Variants in RLF observed in about 807,000 individuals in gnomAD.
RLF encodes the protein RLF zinc finger.
A neutral mutation model predicts 162.9 loss-of-function variants in RLF; 7 were observed. That is an observed-to-expected ratio of 0.04 (90% CI 0.02 to 0.08). The LOEUF (loss-of-function observed/expected upper bound fraction) is 0.08, where lower values mean the gene tolerates loss of function less well. RLF is among the 10% of genes least tolerant of loss of function. The probability of loss-of-function intolerance (pLI) is 1.00; values close to 1 mark genes in which losing one functional copy is unlikely to be tolerated. For synonymous variants in RLF, 782 were observed against 791.5 expected (o/e 0.99, Z 0.20); for missense variants, 1,664 against 2,244.7 (o/e 0.74, Z 5.23).
chr1:40,240,077 C>T lies in RLF; in HGVS notation c.5375C>T (p.Pro1792Leu), dbSNP rs1449574374. ...EKEDDFDDWEPSEHLTLSNSS... is the reference protein window; with the variant it reads ...EKEDDFDDWELSEHLTLSNSS... ...GAAGATGATTTTGATGATTGGGAGC[C>T]TTCAGAGCACTTAACATTAAGTAAT... The change falls in exon 8 of 8, where the codon CCT (proline) becomes CTT (leucine). Residue 1792 changes from proline (P) to leucine (L), a missense_variant. By Grantham distance (98) the Pro-to-Leu change is moderately conservative. Coordinates refer to ENST00000372771, the MANE Select transcript of RLF (RefSeq NM_012421.4). The T allele has an allele frequency of 2.5e-6, 4 of 1,614,032 alleles. No homozygotes were observed. The highest frequency in any genetic ancestry group is 3.4e-6 in the Non-Finnish European group (4 of 1,179,952).
rs1300661780 is a variant in RLF, at chr1:40,238,266, G to A, written c.3564G>A (p.Arg1188=). The part of the protein sequence containing the change: ...QRSFTRKTHL[R]IHYKNKHQIG... ...CATTTACAAGAAAAACACACCTTAG[G>A]ATTCATTATAAAAATAAACATCAAA... is the stretch of plus-strand genomic sequence containing the variant. The change falls in exon 8 of 8, where the codon AGG becomes AGA. Residue 1188 remains arginine, a synonymous_variant. Transcript: ENST00000372771. This position sits in a 1 kb window ranked among gnomAD's most constrained non-coding sequence, Gnocchi z 5.2. 1 of 1,613,902 alleles carries A rather than the reference G, an allele frequency of 6.2e-7. No individual in the cohort carries two copies. The highest frequency in any genetic ancestry group is 1.7e-5 in the Admixed American group (1 of 60,000).
chr1:40,233,593 T>C (rs1312466916), intron 7 of RLF, among the ~76,000 whole-genome samples: 3 of 152,242 alleles, frequency 2.0e-5, no homozygotes, highest in African/African-American at 7.2e-5. Flanking sequence ...CAACATGGCC[T>C]GTTTTACTTG....
At chr1:40,208,540 T>A (rs1164951865) in intron 5 of RLF, among the ~76,000 whole-genome samples, 1 of 152,078 alleles carries the variant, frequency 6.6e-6, no homozygotes, top group Non-Finnish European at 1.5e-5. Flanking sequence ...TTAGGCCAGG[T>A]GTGGTGGCTC....
intron 2 of RLF, among the ~76,000 whole-genome samples, chr1:40,189,672 G>A (rs754895750): frequency 2.9e-4 from 44 of 152,072 alleles, no homozygotes; most frequent in Non-Finnish European, 5.3e-4. Context: ...GGTGGCGCAC[G>A]CCTGTAATCC....
intron 1 of RLF, among the ~76,000 whole-genome samples, chr1:40,170,957 T>C (rs913767879): frequency 3.3e-5 from 5 of 152,152 alleles, no homozygotes; most frequent in African/African-American, 1.2e-4. Context: ...TTATTAGTAG[T>C]AGTAGTATTT....
intron 1 of RLF, among the ~76,000 whole-genome samples, chr1:40,171,525 G>A (rs1368069218): frequency 6.6e-6 from 1 of 152,026 alleles, no homozygotes; most frequent in African/African-American, 2.4e-5. Context: ...TGTTGTCTTT[G>A]CTTTTTTCAG....
intron 5 of RLF, among the ~76,000 whole-genome samples, chr1:40,210,800 T>G (rs1642855378): frequency 6.6e-6 from 1 of 152,138 alleles, no homozygotes; most frequent in Non-Finnish European, 1.5e-5. Context: ...ATAGTGGTGC[T>G]CTGCTGCTAA....
intron 1 of RLF, among the ~76,000 whole-genome samples, chr1:40,183,439 C>T (rs930627967): frequency 6.6e-6 from 1 of 152,090 alleles, no homozygotes; most frequent in African/African-American, 2.4e-5. Flanking sequence ...TCTGTCAGTG[C>T]CATTGCTTGA....
At chr1:40,200,867 T>TACACACACACACACACAC (rs71060356) in intron 4 of RLF, among the ~76,000 whole-genome samples, 1 of 34,860 alleles carries the variant, frequency 2.9e-5, no homozygotes, top group African/African-American at 1.2e-4. Context: ...ATTGCTACTC[T>TACACACACACACACACAC]ACACACACAC....
rs1439667534 is a variant in RLF at position 40,169,478 on chromosome 1, C to T, written c.237+7842C>T. Among the ~76,000 whole-genome samples the T allele has an allele frequency of 1.0e-4, 15 of 150,536 alleles. 2 individuals are homozygous for T. In the South Asian group the frequency reaches 1.7e-3, roughly 17 times the overall value. On this transcript the variant is annotated intron_variant, in intron 1 of 7. Transcript: ENST00000372771. ...AAAAATACAAAAAATTAGCCGGGCG[C>T]GGTGGCGGGCGCCTGTGGTCCCAGC...
chr1:40,224,082 G>A (rs941542994), intron 6 of RLF, among the ~76,000 whole-genome samples: 8 of 152,276 alleles, frequency 5.3e-5, no homozygotes, highest in African/African-American at 1.9e-4. Context: ...GTTATAGATT[G>A]TGTTTAAAAT....
chr1:40,167,007 A>G (rs180779590), intron 1 of RLF, among the ~76,000 whole-genome samples: 4 of 151,528 alleles, frequency 2.6e-5, no homozygotes, highest in Admixed American at 6.6e-5. Flanking sequence ...GTATAATTTT[A>G]AAAAAAAAGA....
chr1:40,208,487 C>G (rs1019663984), intron 5 of RLF, among the ~76,000 whole-genome samples: 2 of 152,156 alleles, frequency 1.3e-5, no homozygotes, highest in African/African-American at 4.8e-5. Flanking sequence ...GTGCTGTGTG[C>G]TTTAAATGTG....
intron 3 of RLF, 35 bp downstream of exon 3, chr1:40,190,888 T>A: frequency 7.4e-7 from 1 of 1,343,174 alleles, no homozygotes; most frequent in South Asian, 1.3e-5. Context: ...GTTTTCTGTA[T>A]CCAAGACACC....
At chr1:40,181,370 C>G (rs1057107737) in intron 1 of RLF, among the ~76,000 whole-genome samples, 1 of 152,068 alleles carries the variant, frequency 6.6e-6, no homozygotes, top group African/African-American at 2.4e-5. Flanking sequence ...GTGGAGGTTG[C>G]ATTGAGCCGA....
intron 1 of RLF, among the ~76,000 whole-genome samples, chr1:40,185,841 A>AC: frequency 1.1e-5 from 1 of 94,812 alleles, no homozygotes; most frequent in Non-Finnish European, 2.0e-5. Context: ...AAAAAAAAAA[A>AC]GCAAAAAAAA....
chr1:40,221,406 G>C (rs1005541062), intron 5 of RLF, among the ~76,000 whole-genome samples: 8 of 152,030 alleles, frequency 5.3e-5, no homozygotes, highest in Admixed American at 5.2e-4. Context: ...AAATTTGAGA[G>C]TGTTTGACAG....
rs72937392 is a variant in RLF at position 40,204,093 on chromosome 1, C to T, written c.810+1479C>T. On this transcript the variant is annotated intron_variant, in intron 5 of 7. Coordinates refer to ENST00000372771, the MANE Select transcript of RLF (RefSeq NM_012421.4). ...TGTTGCCCAGGCTAGAGTGTAGTGG[C>T]GCGATCTTTGCTCCTGGGTTCAAGC... Among the ~76,000 whole-genome samples, 966 of 147,178 alleles carry T rather than the reference C, an allele frequency of 6.6e-3. 14 individuals are homozygous for T. Among genetic ancestry groups the T allele is most frequent in the African/African-American group, 0.023 (930 of 39,684 alleles).
At chr1:40,163,680 T>C (rs1267718557) in intron 1 of RLF, among the ~76,000 whole-genome samples, 2 of 152,212 alleles carry the variant, frequency 1.3e-5, no homozygotes, top group Non-Finnish European at 2.9e-5. Context: ...TGTAACACTG[T>C]ATTGTAATAG....
Sources: allele counts gnomAD v4.1 joint callset (sites outside exome capture counted in the v4.1 genomes callset), GRCh38; gene constraint gnomAD v4.1.1; non-coding constraint Gnocchi (gnomAD v3.1); transcripts MANE v1.5; gene names NCBI Gene and HGNC (gene_info 2026-07-23, HGNC 2026-07-21).